FBXO45: variants seen among roughly 807,000 people sequenced by gnomAD.
The protein encoded by FBXO45 is F-box/SPRY domain-containing protein 1.
Under a neutral mutation model 25.5 loss-of-function variants are expected in FBXO45, and 3 were observed. That is an observed-to-expected ratio of 0.12 (90% CI 0.05 to 0.30). The LOEUF (loss-of-function observed/expected upper bound fraction) is 0.30. Ranked by LOEUF, FBXO45 falls within the 10% of genes least tolerant of loss-of-function variation. The pLI is 1.00. For missense variants in FBXO45, 219 were observed against 365.0 expected (o/e 0.60, Z 3.26); for synonymous variants, 155 against 149.8 (o/e 1.03, Z -0.25).
intron 1 of FBXO45, among the ~76,000 whole-genome samples, chr3:196,570,478 C>T (rs1690504172): frequency 6.6e-6 from 1 of 152,088 alleles, no homozygotes; most frequent in Non-Finnish European, 1.5e-5. Context: ...CTCAGGTGAT[C>T]CGCCCTCCTC....
intron 1 of FBXO45, among the ~76,000 whole-genome samples, chr3:196,573,616 A>G (rs571445789): frequency 6.6e-6 from 1 of 152,340 alleles, no homozygotes; most frequent in African/African-American, 2.4e-5. Context: ...GAATGGGATG[A>G]GGAAGATGGA....
chr3:196,579,997 C>CT (rs913449201), intron 2 of FBXO45, among the ~76,000 whole-genome samples: 113 of 146,850 alleles, frequency 7.7e-4, no homozygotes, highest in East Asian at 4.3e-3. Context: ...CTGTCTCTGA[C>CT]TTTTTTTTTT....
At position 196,573,265 on chromosome 3, in the gene FBXO45, G is replaced by A. The variant is rs1351745262; in HGVS notation, c.318+3963G>A. On this transcript the variant is annotated intron_variant, in intron 1 of 2. Coordinates refer to ENST00000311630, the MANE Select transcript of FBXO45 (RefSeq NM_001105573.2). The stretch of plus-strand genomic sequence containing the variant: ...GTTGGAGCTTAGAGGAGAGATCTGC[G>A]CTAAAGATATAAAATAATATAGTTA... Among the ~76,000 whole-genome samples the A allele has an allele frequency of 5.3e-5, 8 of 152,034 alleles. 1 individual carries two copies. The highest frequency in any genetic ancestry group is 5.2e-4 in the Admixed American group (8 of 15,254).
At chr3:196,581,731 T>C (rs1286010661) in intron 2 of FBXO45, among the ~76,000 whole-genome samples, 1 of 152,226 alleles carries the variant, frequency 6.6e-6, no homozygotes, top group East Asian at 1.9e-4. Flanking sequence ...TCCTGTTTCT[T>C]TTCATATCTA....
intron 1 of FBXO45, among the ~76,000 whole-genome samples, chr3:196,574,133 C>G (rs184303091): frequency 1.4e-3 from 207 of 152,160 alleles, no homozygotes; most frequent in African/African-American, 4.9e-3. Context: ...CAGGCTTTCA[C>G]CATGTTGGCC....
rs754043614 is a variant in FBXO45 at position 196,584,312 on chromosome 3, C to T, written c.855C>T (p.Asp285=). The T allele has an allele frequency of 1.1e-5, 18 of 1,602,128 alleles. No homozygotes were observed. Among genetic ancestry groups the T allele is most frequent in the East Asian group, 6.7e-5 (3 of 44,618 alleles). ...VTLVYLGKPL[D]G is the part of the protein sequence containing the mutation. ...TGGTTTACCTTGGAAAACCTTTGGA[C>T]GGATGACAGTGGCTTTCTTGTGATG... The change falls in exon 3 of 3, where the codon GAC becomes GAT. Residue 285 remains aspartate (D), a synonymous_variant. Coordinates refer to ENST00000311630, the MANE Select transcript of FBXO45 (RefSeq NM_001105573.2). The surrounding 1 kb of genome is among the most constrained non-coding windows in gnomAD (Gnocchi z 4.3).
At chr3:196,572,672 T>C (rs1735848328) in intron 1 of FBXO45, among the ~76,000 whole-genome samples, 1 of 152,150 alleles carries the variant, frequency 6.6e-6, no homozygotes, top group African/African-American at 2.4e-5. Context: ...GTGTGGGGAT[T>C]GGTGATATGA....
chr3:196,578,190 C>A (rs998049459), intron 2 of FBXO45, among the ~76,000 whole-genome samples: 5 of 151,870 alleles, frequency 3.3e-5, no homozygotes, highest in African/African-American at 1.2e-4. Flanking sequence ...GCGCCCACCA[C>A]CATGCCTGGC....
chr3:196,569,444 TCC>T lies in FBXO45; in HGVS notation c.318+147_318+148del. ...GGCTCCAGTCAGTATCTTCCTCACCTCCCCCCAAGATAAAGATTCTCTTTTCT... is the reference window on the plus strand; with the variant it reads ...GGCTCCAGTCAGTATCTTCCTCACCTCCCCAAGATAAAGATTCTCTTTTCT... On this transcript the variant is annotated intron_variant, in intron 1 of 2. Coordinates refer to ENST00000311630, the MANE Select transcript of FBXO45 (RefSeq NM_001105573.2). This position sits in a 1 kb window ranked among gnomAD's most constrained non-coding sequence, Gnocchi z 4.1. 1.4e-6 allele frequency: 1 copy of T among 718,562 alleles called. No homozygotes were observed. The highest frequency in any genetic ancestry group is 2.2e-6 in the Non-Finnish European group (1 of 463,628). The allele number at this position is 718,562 out of a possible 1,614,324, so 44.5% of individuals were successfully genotyped here.
At chr3:196,575,954 G>C (rs1470081734) in intron 1 of FBXO45, among the ~76,000 whole-genome samples, 1 of 152,196 alleles carries the variant, frequency 6.6e-6, no homozygotes, top group Non-Finnish European at 1.5e-5. Flanking sequence ...TGGGATTGCA[G>C]GGGTGAGCCA....
chr3:196,579,761 G>T (rs936099546), intron 2 of FBXO45, among the ~76,000 whole-genome samples: 5 of 152,054 alleles, frequency 3.3e-5, no homozygotes, highest in Non-Finnish European at 7.4e-5. Flanking sequence ...TTGCTAATTT[G>T]TCTTTCTTCT....
intron 1 of FBXO45, among the ~76,000 whole-genome samples, chr3:196,571,577 T>G (rs573466024): frequency 2.6e-4 from 39 of 152,338 alleles, no homozygotes; most frequent in African/African-American, 8.9e-4. Flanking sequence ...AATGTTCACA[T>G]GATTCAAGAT....
rs571594799 is a variant in FBXO45, at chr3:196,585,444, T to C, written c.*1126T>C. ...TTACATCATGCAACTAATCTAAGCCTCAAACTCGTTATTGGGGCTATAAAG... is the reference window on the plus strand; with the variant it reads ...TTACATCATGCAACTAATCTAAGCCCCAAACTCGTTATTGGGGCTATAAAG... On this transcript the variant is annotated 3_prime_UTR_variant, in exon 3 of 3. Coordinates refer to ENST00000311630, the MANE Select transcript of FBXO45 (RefSeq NM_001105573.2). The C allele has an allele frequency of 6.6e-6, 1 of 152,284 alleles. No individual in the cohort carries two copies. The highest frequency in any genetic ancestry group is 6.5e-5 in the Admixed American group (1 of 15,298). The allele number at this position is 152,284 out of a possible 1,614,324, so 9.4% of individuals were successfully genotyped here.
intron 1 of FBXO45, among the ~76,000 whole-genome samples, chr3:196,570,161 C>A (rs1423488691): frequency 6.6e-6 from 1 of 152,004 alleles, no homozygotes; most frequent in East Asian, 1.9e-4. Context: ...AACAGCTATT[C>A]AGTATAGCAG....
intron 1 of FBXO45, among the ~76,000 whole-genome samples, chr3:196,570,549 A>G (rs1461090600): frequency 6.6e-6 from 1 of 151,564 alleles, no homozygotes; most frequent in Non-Finnish European, 1.5e-5. Flanking sequence ...CCCCTTTTTA[A>G]TGCTAGCTTG....
chr3:196,583,790 C>T (rs553145674), intron 2 of FBXO45, among the ~76,000 whole-genome samples: 3 of 151,916 alleles, frequency 2.0e-5, no homozygotes, highest in Admixed American at 1.3e-4. Context: ...GGCAGTGGTG[C>T]GATACCAGCT....
At chr3:196,576,570 C>G (rs1002832076) in intron 1 of FBXO45, among the ~76,000 whole-genome samples, 1 of 152,140 alleles carries the variant, frequency 6.6e-6, no homozygotes, top group Non-Finnish European at 1.5e-5. Context: ...AATACACAAA[C>G]TAAAAGTTTA....
At position 196,569,062 on chromosome 3, in the gene FBXO45, G is replaced by A; in HGVS notation, c.78G>A (p.Ala26=). 8 of 1,205,938 alleles carry A rather than the reference G, an allele frequency of 6.6e-6. No homozygotes were observed. Among genetic ancestry groups the A allele is most frequent in the Non-Finnish European group, 7.3e-6 (7 of 964,886 alleles). The allele number at this position is 1,205,938 out of a possible 1,614,324, so 74.7% of individuals were successfully genotyped here. The change falls in exon 1 of 3, where the codon GCG becomes GCA. Residue 26 remains alanine (A), a synonymous_variant. Coordinates refer to ENST00000311630, the MANE Select transcript of FBXO45 (RefSeq NM_001105573.2). This position sits in a 1 kb window ranked among gnomAD's most constrained non-coding sequence, Gnocchi z 4.1. The part of the protein sequence containing the change: ...GCSGGGAGAG[A]GSGSGAAGAG... ...GCGGCGGCGGCGCGGGCGCGGGCGC[G>A]GGCTCGGGCTCTGGGGCCGCGGGGG...
At chr3:196,570,617 T>G (rs189699630) in intron 1 of FBXO45, among the ~76,000 whole-genome samples, 197 of 152,254 alleles carry the variant, frequency 1.3e-3, no homozygotes, top group African/African-American at 4.2e-3. Context: ...CATGTAAAAT[T>G]TATACTTATG....
Sources: allele counts gnomAD v4.1 joint callset (sites outside exome capture counted in the v4.1 genomes callset), GRCh38; gene constraint gnomAD v4.1.1; non-coding constraint Gnocchi (gnomAD v3.1); transcripts MANE v1.5; gene names NCBI Gene and HGNC (gene_info 2026-07-23, HGNC 2026-07-21).